Variants in ZNF804B observed in about 807,000 individuals in gnomAD.
The protein encoded by ZNF804B is zinc finger protein 804B, also known as zinc finger 804B.
Under a neutral mutation model 101.4 loss-of-function variants are expected in ZNF804B, and 80 were observed. The ratio of observed to expected loss-of-function variants is 0.79; its 90% CI spans 0.66 to 0.95. The LOEUF (loss-of-function observed/expected upper bound fraction) is 0.95. ZNF804B is among the 40% of genes least tolerant of loss of function. The pLI, the probability that ZNF804B is intolerant of heterozygous loss-of-function variation, is 0.00. For synonymous variants in ZNF804B, 622 were observed against 558.8 expected (o/e 1.11, Z -1.59); for missense variants, 1,673 against 1,561.9 (o/e 1.07, Z -1.20).
intron 1 of ZNF804B, among the ~76,000 whole-genome samples, chr7:88,868,204 T>G (rs1183517027): frequency 1.3e-5 from 2 of 152,118 alleles, no homozygotes; most frequent in African/African-American, 4.8e-5. Context: ...TTCCCTTTAC[T>G]GATAGCCTGA....
chr7:89,217,394 T>C (rs1004405684), intron 1 of ZNF804B, among the ~76,000 whole-genome samples: 10 of 152,162 alleles, frequency 6.6e-5, no homozygotes, highest in Admixed American at 2.0e-4. Context: ...TAAGCACTGG[T>C]TGATGCATCT....
intron 1 of ZNF804B, among the ~76,000 whole-genome samples, chr7:89,131,439 TAAG>T (rs1790545710): frequency 6.6e-6 from 1 of 151,844 alleles, no homozygotes; most frequent in African/African-American, 2.4e-5. Flanking sequence ...TAAAACTAAA[TAAG>T]AAGAAAAGAC....
chr7:89,282,035 A>G (rs1441337206), intron 2 of ZNF804B, among the ~76,000 whole-genome samples: 3 of 151,912 alleles, frequency 2.0e-5, no homozygotes, highest in East Asian at 3.9e-4. Flanking sequence ...CCCCGTCTCT[A>G]CTAAAAATAC....
chr7:89,336,700 C>T lies in ZNF804B; in HGVS notation c.3718C>T (p.Gln1240Ter), dbSNP rs758179254. ...TATTGCTCATCTACATCCTCTTTCA[C>T]AGGCACATTTCAGTCCTATTTCATT... ...LPIAHLHPLS[Q>*]AHFSPISFST... The change falls in exon 4 of 4, where the codon CAG becomes TAG. Residue 1240 changes from glutamine (Q) to a stop codon, truncating the protein, a stop_gained. Coordinates refer to ENST00000333190, the MANE Select transcript of ZNF804B (RefSeq NM_181646.5). LOFTEE classifies it high-confidence loss of function. 2 of 1,614,084 alleles carry T rather than the reference C, an allele frequency of 1.2e-6. No individual in the cohort carries two copies. The highest frequency in any genetic ancestry group is 3.3e-5 in the Admixed American group (2 of 59,990).
chr7:89,313,257 A>C (rs1301238736), intron 2 of ZNF804B, among the ~76,000 whole-genome samples: 1 of 152,212 alleles, frequency 6.6e-6, no homozygotes, highest in Middle Eastern at 3.2e-3. Flanking sequence ...CTTTAAAATT[A>C]GGTTAATAAT....
At chr7:89,238,400 A>T (rs1217888664) in intron 2 of ZNF804B, among the ~76,000 whole-genome samples, 2 of 152,274 alleles carry the variant, frequency 1.3e-5, no homozygotes, top group East Asian at 1.9e-4. Flanking sequence ...ATGACTCATT[A>T]TGGAGTCATT....
intron 1 of ZNF804B, among the ~76,000 whole-genome samples, chr7:89,094,489 G>A (rs2116329733): frequency 6.6e-6 from 1 of 152,102 alleles, no homozygotes; most frequent in African/African-American, 2.4e-5. Flanking sequence ...ATATGAAATT[G>A]CCTCCACTGC....
intron 1 of ZNF804B, among the ~76,000 whole-genome samples, chr7:89,173,755 T>C (rs771991792): frequency 2.1e-5 from 2 of 96,328 alleles, no homozygotes; most frequent in Non-Finnish European, 5.2e-5. Flanking sequence ...TATCCATCCA[T>C]CCATCCATCC....
chr7:89,287,007 A>C (rs1190321984), intron 2 of ZNF804B, among the ~76,000 whole-genome samples: 2 of 152,134 alleles, frequency 1.3e-5, no homozygotes, highest in Non-Finnish European at 2.9e-5. Flanking sequence ...CAGCCTACTC[A>C]ATATGGACAC....
chr7:88,822,521 A>C (rs552515041), intron 1 of ZNF804B, among the ~76,000 whole-genome samples: 1 of 152,292 alleles, frequency 6.6e-6, no homozygotes, highest in African/African-American at 2.4e-5. Flanking sequence ...AAGATAGTGA[A>C]CTTTAGCATA....
chr7:89,092,369 CT>C (rs1173696396), intron 1 of ZNF804B, among the ~76,000 whole-genome samples: 1 of 143,466 alleles, frequency 7.0e-6, no homozygotes, highest in Non-Finnish European at 1.5e-5. Context: ...TTACGTTATA[CT>C]TTGGATTTTA....
Position 88,866,027 on chromosome 7 carries a change from G to A in ZNF804B, c.108+105943G>A, listed in dbSNP as rs377203544. 2.6e-5 allele frequency among the ~76,000 whole-genome samples: 4 copies of A among 152,040 alleles called. No homozygotes were observed. In the East Asian group the frequency reaches 7.7e-4, roughly 29 times the overall value. Reference sequence around the variant, plus strand: ...ATTCATCTTTGTGTATTGATTTTTGGTTCAATGTCTTGTCCACAGTAAGTA... The same window carrying A: ...ATTCATCTTTGTGTATTGATTTTTGATTCAATGTCTTGTCCACAGTAAGTA... On this transcript the variant is annotated intron_variant, in intron 1 of 3. Coordinates refer to ENST00000333190, the MANE Select transcript of ZNF804B (RefSeq NM_181646.5).
chr7:89,289,691 A>G (rs572621646), intron 2 of ZNF804B, among the ~76,000 whole-genome samples: 1 of 152,150 alleles, frequency 6.6e-6, no homozygotes, highest in African/African-American at 2.4e-5. Context: ...GGAATCACTC[A>G]TCTCAGTGGT....
intron 1 of ZNF804B, among the ~76,000 whole-genome samples, chr7:88,812,264 C>T (rs1465594391): frequency 6.6e-6 from 1 of 152,128 alleles, no homozygotes; most frequent in Non-Finnish European, 1.5e-5. Context: ...TTAATTTTGT[C>T]TTTAATATTT....
chr7:88,857,266 C>G (rs1338236506), intron 1 of ZNF804B, among the ~76,000 whole-genome samples: 1 of 151,956 alleles, frequency 6.6e-6, no homozygotes, highest in African/African-American at 2.4e-5. Context: ...AAGATCAGAG[C>G]AGAACTGACA....
chr7:88,787,654 A>C (rs1179530958), intron 1 of ZNF804B, among the ~76,000 whole-genome samples: 1 of 152,192 alleles, frequency 6.6e-6, no homozygotes, highest in Non-Finnish European at 1.5e-5. Flanking sequence ...ACCAATAACT[A>C]ATCGTAAAAT....
In ZNF804B at chr7:89,254,626, ATTTATT is replaced by A. The variant is rs201896419; in HGVS notation, c.249+36350_249+36355del. ...AAAGGATGAAAACAGCCAGGACACT[ATTTATT>A]TTTATTTTTATTTTTATTATTTTTT... On this transcript the variant is annotated intron_variant, in intron 2 of 3. Coordinates refer to ENST00000333190, the MANE Select transcript of ZNF804B (RefSeq NM_181646.5). 2.4e-3 allele frequency among the ~76,000 whole-genome samples: 364 copies of A among 149,882 alleles called. 3 individuals carry two copies. Among genetic ancestry groups the A allele is most frequent in the African/African-American group, 8.5e-3 (343 of 40,536 alleles).
chr7:89,117,831 A>G (rs185863493), intron 1 of ZNF804B, among the ~76,000 whole-genome samples: 22 of 152,298 alleles, frequency 1.4e-4, no homozygotes, highest in Middle Eastern at 3.4e-3. Flanking sequence ...ACACTTTGAA[A>G]CTTTAAAACT....
chr7:89,202,213 T>C (rs1584050715), intron 1 of ZNF804B, among the ~76,000 whole-genome samples: 1 of 152,184 alleles, frequency 6.6e-6, no homozygotes, highest in East Asian at 1.9e-4. Context: ...TAATTTTAGG[T>C]GTGAATTCTT....
Sources: allele counts gnomAD v4.1 joint callset (sites outside exome capture counted in the v4.1 genomes callset), GRCh38; gene constraint gnomAD v4.1.1; transcripts MANE v1.5; gene names NCBI Gene and HGNC (gene_info 2026-07-23, HGNC 2026-07-21).